The following YIPF7 variants were observed in gnomAD, a reference collection of about 807,000 sequenced individuals.
The protein encoded by YIPF7 is Yip1 domain family member 7, also known as protein YIPF7.
A neutral mutation model predicts 27.2 loss-of-function variants in YIPF7; 35 were observed. That is an observed-to-expected ratio of 1.29 (90% confidence interval 0.98 to 1.70). The LOEUF (loss-of-function observed/expected upper bound fraction) is 1.70, where lower values mean the gene tolerates loss of function less well. YIPF7 is among the 40% of genes most tolerant of loss of function. YIPF7 has a pLI of 0.00. For synonymous variants in YIPF7, 137 were observed against 110.4 expected (o/e 1.24, Z -1.51); for missense variants, 358 against 303.7 (o/e 1.18, Z -1.33).
chr4:44,637,361 A>G (rs1041887772), intron 2 of YIPF7, among the ~76,000 whole-genome samples: 8 of 152,222 alleles, frequency 5.3e-5, no homozygotes, highest in Non-Finnish European at 1.2e-4. Context: ...CATTCCCACC[A>G]ACAGTGTGTA....
At chr4:44,653,731 G>A (rs898032644), upstream of YIPF7, among the ~76,000 whole-genome samples, 3 of 152,004 alleles carry the variant, frequency 2.0e-5, no homozygotes, top group African/African-American at 7.2e-5. Context: ...ATAGGAAAAG[G>A]CCACATTGTT....
intron 2 of YIPF7, among the ~76,000 whole-genome samples, chr4:44,637,876 G>A (rs928906659): frequency 2.0e-5 from 3 of 152,130 alleles, no homozygotes; most frequent in Non-Finnish European, 4.4e-5. Flanking sequence ...ACTTCACTTA[G>A]AATAATAGTC....
At chr4:44,660,378 A>T (rs554544318) in intron 2 of YIPF7, 1 of 152,246 alleles carries the variant, frequency 6.6e-6, no homozygotes, top group African/African-American at 2.4e-5. Flanking sequence ...GTTGGATAAG[A>T]AGCTATTTAG....
upstream of YIPF7, among the ~76,000 whole-genome samples, chr4:44,652,991 G>T (rs1188449374): frequency 6.6e-6 from 1 of 152,054 alleles, no homozygotes; most frequent in African/African-American, 2.4e-5. Flanking sequence ...CTGTTAAGAT[G>T]GAGAGTGCAA....
chr4:44,636,120 A>G, intron 2 of YIPF7, 35 bp from the exon 3 acceptor site: 2 of 1,562,410 alleles, frequency 1.3e-6, no homozygotes, highest in Non-Finnish European at 1.7e-6. Context: ...TTACATGTCT[A>G]AGAAAAAGGT....
At chr4:44,643,672 C>T (rs765465098) in intron 2 of YIPF7, among the ~76,000 whole-genome samples, 4 of 152,206 alleles carry the variant, frequency 2.6e-5, no homozygotes, top group African/African-American at 9.6e-5. Flanking sequence ...CAGGACCCCT[C>T]TTCCCTTCAT....
At chr4:44,647,164 G>A (rs1388213698) in intron 2 of YIPF7, among the ~76,000 whole-genome samples, 2 of 152,192 alleles carry the variant, frequency 1.3e-5, no homozygotes, top group African/African-American at 4.8e-5. Flanking sequence ...AGGGAAGGCC[G>A]TCAACCTGGT....
At chr4:44,655,020 G>A (rs1186138609), upstream of YIPF7, among the ~76,000 whole-genome samples, 1 of 151,966 alleles carries the variant, frequency 6.6e-6, no homozygotes, top group African/African-American at 2.4e-5. Flanking sequence ...TTAGCAGTAG[G>A]AATCAATAGG....
At chr4:44,628,096 A>T (rs1388288398) in intron 4 of YIPF7, among the ~76,000 whole-genome samples, 2 of 152,196 alleles carry the variant, frequency 1.3e-5, no homozygotes, top group African/African-American at 4.8e-5. Context: ...ATTAATTGAC[A>T]TGGCCTTACT....
At chr4:44,653,006 G>A (rs1256911885), upstream of YIPF7, among the ~76,000 whole-genome samples, 3 of 152,092 alleles carry the variant, frequency 2.0e-5, no homozygotes, top group African/African-American at 7.2e-5. Flanking sequence ...GTGCAAAGGG[G>A]AGAGGATTTG....
Position 44,635,960 on chromosome 4 carries a change from T to C in YIPF7, c.242A>G (p.Tyr81Cys). The C allele has an allele frequency of 6.2e-7, 1 of 1,613,896 alleles. No homozygotes were observed. Among genetic ancestry groups the C allele is most frequent in the Non-Finnish European group, 8.5e-7 (1 of 1,179,832 alleles). ...AGGCTCTTCATCAAAACTGTCAATG[T>C]AAGGAGATTGTGAATAATAATCTGA... The part of the protein sequence containing the change: ...SNSDYYSQSP[Y>C]IDSFDEEPPL... The change falls in exon 3 of 6, where the codon TAC becomes TGC. Residue 81 changes from tyrosine (Y) to cysteine (C), a missense_variant. Tyr to Cys is a radical substitution (Grantham distance 194). Transcript: ENST00000415895.
At chr4:44,648,471 C>A (rs556714217) in intron 2 of YIPF7, among the ~76,000 whole-genome samples, 11 of 151,920 alleles carry the variant, frequency 7.2e-5, no homozygotes, top group Non-Finnish European at 1.5e-4. Context: ...AATTGAGGAT[C>A]CAATGAATTA....
chr4:44,643,197 G>A (rs1713396647), intron 2 of YIPF7, among the ~76,000 whole-genome samples: 1 of 152,158 alleles, frequency 6.6e-6, no homozygotes. Flanking sequence ...AATTTAGTGG[G>A]AACTGGAGTA....
chr4:44,648,607 G>A (rs1713608426), intron 2 of YIPF7, among the ~76,000 whole-genome samples: 4 of 152,052 alleles, frequency 2.6e-5, no homozygotes, highest in Admixed American at 2.6e-4. Flanking sequence ...AAAATTCCAA[G>A]AATGCAACTA....
chr4:44,646,774 G>A (rs1713541476), intron 2 of YIPF7, among the ~76,000 whole-genome samples: 1 of 152,088 alleles, frequency 6.6e-6, no homozygotes, highest in Non-Finnish European at 1.5e-5. Flanking sequence ...TTTAAAATGA[G>A]CTCTCGTATA....
At chr4:44,630,039 C>T (rs28409438) in intron 3 of YIPF7, among the ~76,000 whole-genome samples, 8 of 152,160 alleles carry the variant, frequency 5.3e-5, no homozygotes, top group Admixed American at 2.6e-4. Context: ...TGCAGTGGCA[C>T]GATCTCAGCT....
intron 2 of YIPF7, among the ~76,000 whole-genome samples, chr4:44,657,201 A>G (rs1713924217): frequency 6.6e-6 from 1 of 152,190 alleles, no homozygotes; most frequent in East Asian, 1.9e-4. Context: ...TACAAATTCT[A>G]TTTCATAAAG....
At chr4:44,629,936 A>G (rs1280048290) in intron 3 of YIPF7, among the ~76,000 whole-genome samples, 2 of 152,102 alleles carry the variant, frequency 1.3e-5, no homozygotes, top group African/African-American at 4.8e-5. Flanking sequence ...CTTTCATCCT[A>G]TTGTCCATCT....
At chr4:44,629,963 T>C (rs1188173430) in intron 3 of YIPF7, among the ~76,000 whole-genome samples, 1 of 152,196 alleles carries the variant, frequency 6.6e-6, no homozygotes, top group Non-Finnish European at 1.5e-5. Flanking sequence ...TTCCTTTTCC[T>C]GCATTTTCTG....
Sources: gnomAD v4.1 joint callset for allele counts (sites outside exome capture counted in the v4.1 genomes callset) on GRCh38, gnomAD v4.1.1 for gene constraint, MANE v1.5 for transcripts, NCBI Gene and HGNC (gene_info 2026-07-23, HGNC 2026-07-21) for gene names.